NTM: variants seen among roughly 807,000 people sequenced by gnomAD.
NTM encodes neurotrimin.
In NTM, 13 loss-of-function variants were observed where a neutral mutation model predicts 42.1. The observed-to-expected ratio is 0.31, with a 90% CI of 0.20 to 0.49. NTM has a LOEUF of 0.49. Among genes scored for constraint, NTM ranks in the 20% least tolerant of loss-of-function variants. The pLI is 0.99. For missense variants in NTM, 373 were observed against 452.8 expected, an observed-to-expected ratio of 0.82 and a Z score of 1.60; for synonymous variants, 187 against 179.2, an observed-to-expected ratio of 1.04 and a Z score of -0.35.
intron 1 of NTM, chr11:131,671,351 AC>A: frequency 2.3e-6 from 2 of 871,590 alleles, no homozygotes; most frequent in Non-Finnish European, 2.8e-6. Flanking sequence ...ATCACTGCAC[AC>A]TTTATTTATG....
intron 4 of NTM, among the ~76,000 whole-genome samples, chr11:132,253,705 C>A (rs1237019950): frequency 6.6e-6 from 1 of 152,202 alleles, no homozygotes; most frequent in African/African-American, 2.4e-5. Flanking sequence ...CCCTGACTTC[C>A]AGTCCAGAGT....
At chr11:131,592,932 G>A (rs1276762471) in intron 1 of NTM, among the ~76,000 whole-genome samples, 3 of 152,126 alleles carry the variant, frequency 2.0e-5, no homozygotes, top group Admixed American at 2.0e-4. Context: ...CTGGCAGCTG[G>A]AATTGCAGTT....
At chr11:131,789,420 AAAGAAGAAGGAAGAAGAAGAAG>A (rs1159915969) in intron 1 of NTM, among the ~76,000 whole-genome samples, 1 of 49,036 alleles carries the variant, frequency 2.0e-5, no homozygotes, top group African/African-American at 1.0e-4. Flanking sequence ...TAAAAGAAAA[AAAGAAGAAGGAAGAAGAAGAAG>A]AAGAAGAAGA....
At chr11:132,103,942 C>T (rs150171406) in intron 2 of NTM, among the ~76,000 whole-genome samples, 2 of 152,308 alleles carry the variant, frequency 1.3e-5, no homozygotes, top group South Asian at 2.1e-4. Flanking sequence ...AGGCATAGCA[C>T]CTCTGAACTT....
intron 2 of NTM, among the ~76,000 whole-genome samples, chr11:132,104,585 C>A (rs1339180726): frequency 5.0e-5 from 7 of 138,762 alleles, no homozygotes; most frequent in East Asian, 4.0e-4. Context: ...GACCCCCCCC[C>A]ACCAAAAATA....
At chr11:131,704,368 A>T (rs2076373104) in intron 1 of NTM, among the ~76,000 whole-genome samples, 1 of 152,156 alleles carries the variant, frequency 6.6e-6, no homozygotes, top group Admixed American at 6.5e-5. Flanking sequence ...TTCCAGGCTC[A>T]TTCATCCACT....
chr11:131,488,681 A>T (rs10791149), intron 1 of NTM, among the ~76,000 whole-genome samples: 1 of 152,016 alleles, frequency 6.6e-6, no homozygotes, highest in African/African-American at 2.4e-5. Context: ...ATAGCAATTC[A>T]TGCCCTTCTT....
chr11:131,752,893 A>G lies in NTM; in HGVS notation c.83-158671A>G, dbSNP rs541574678. On this transcript the variant is annotated intron_variant, in intron 1 of 8. Coordinates refer to ENST00000683400, the MANE Select transcript of NTM (RefSeq NM_001352005.2). ...ACAAAAGACAAAATTGACAAATGGG[A>G]TCTAATTAAACTAAAGAGCTTCTGC... Among the ~76,000 whole-genome samples, 9 of 152,308 alleles carry G rather than the reference A, an allele frequency of 5.9e-5. No individual in the cohort carries two copies. The South Asian group carries it at 1.9e-3, about 32-fold the overall frequency.
At chr11:131,452,007 C>T (rs1375851153) in intron 1 of NTM, among the ~76,000 whole-genome samples, 1 of 152,222 alleles carries the variant, frequency 6.6e-6, no homozygotes, top group Non-Finnish European at 1.5e-5. Flanking sequence ...ACCCTGGCTC[C>T]TCTGGGCTGC....
chr11:131,809,931 G>A (rs76465197), intron 1 of NTM, among the ~76,000 whole-genome samples: 3,157 of 152,276 alleles, frequency 0.021, 110 homozygotes, highest in African/African-American at 0.071. Context: ...GAAGGTTAAT[G>A]CATACGTGAA....
intron 1 of NTM, among the ~76,000 whole-genome samples, chr11:131,447,648 C>T (rs975613513): frequency 2.6e-5 from 4 of 152,194 alleles, no homozygotes; most frequent in Admixed American, 6.5e-5. Flanking sequence ...GATTGCATCC[C>T]ATGCCTTGAC....
chr11:132,261,683 A>G (rs544288614), intron 4 of NTM, among the ~76,000 whole-genome samples: 1 of 152,336 alleles, frequency 6.6e-6, no homozygotes, highest in Non-Finnish European at 1.5e-5. Context: ...CTTGTATCTC[A>G]TTGTCTGGAG....
intron 1 of NTM, among the ~76,000 whole-genome samples, chr11:131,732,921 ATAT>A (rs2079884654): frequency 1.3e-5 from 2 of 151,784 alleles, no homozygotes; most frequent in African/African-American, 4.9e-5. Flanking sequence ...TTTTACATTA[ATAT>A]TATGTCAGTG....
chr11:131,985,742 T>C (rs12797967), intron 2 of NTM, among the ~76,000 whole-genome samples: 36,552 of 152,098 alleles, frequency 0.24, 4,586 homozygotes, highest in Admixed American at 0.28. Context: ...CAGTGTCACG[T>C]AATTGTAAGA....
chr11:132,020,439 TTAAA>T (rs141223782), intron 2 of NTM, among the ~76,000 whole-genome samples: 29,164 of 151,818 alleles, frequency 0.19, 3,312 homozygotes, highest in Non-Finnish European at 0.26. Context: ...TTATTTTGTA[TTAAA>T]TAAATATAGA....
intron 1 of NTM, among the ~76,000 whole-genome samples, chr11:131,595,963 T>C (rs890181647): frequency 1.3e-5 from 2 of 152,256 alleles, no homozygotes; most frequent in African/African-American, 4.8e-5. Flanking sequence ...TGACATGCTT[T>C]GTTTAGGAGC....
intron 1 of NTM, among the ~76,000 whole-genome samples, chr11:131,566,672 C>A (rs1410791928): frequency 2.0e-5 from 3 of 152,176 alleles, no homozygotes; most frequent in Admixed American, 6.5e-5. Flanking sequence ...AAATGCGGCA[C>A]AACTTTAAAC....
chr11:131,606,336 G>A (rs2060957575), intron 1 of NTM, among the ~76,000 whole-genome samples: 1 of 152,176 alleles, frequency 6.6e-6, no homozygotes, highest in Non-Finnish European at 1.5e-5. Context: ...GATTACAGGT[G>A]TGAGCCACCA....
chr11:131,398,966 C>T (rs761366961), intron 1 of NTM, among the ~76,000 whole-genome samples: 44 of 152,262 alleles, frequency 2.9e-4, no homozygotes, highest in Admixed American at 1.2e-3. Context: ...ACAATAAAAA[C>T]TGCAATAAAT....
Sources: allele counts gnomAD v4.1 joint callset (sites outside exome capture counted in the v4.1 genomes callset), GRCh38; gene constraint gnomAD v4.1.1; transcripts MANE v1.5; gene names NCBI Gene and HGNC (gene_info 2026-07-23, HGNC 2026-07-21).